LDLRAD4: variants seen among roughly 807,000 people sequenced by gnomAD.
The protein encoded by LDLRAD4 is low density lipoprotein receptor class A domain containing 4, also known as low-density lipoprotein receptor class A domain-containing protein 4.
LDLRAD4 carries 5 observed loss-of-function variants against 17.0 expected under a neutral mutation model. The ratio of observed to expected loss-of-function variants is 0.29; its 90% CI spans 0.15 to 0.62. The LOEUF (loss-of-function observed/expected upper bound fraction) is 0.62. LDLRAD4 is among the 20% of genes least tolerant of loss of function. The pLI is 0.84. For missense variants in LDLRAD4, 340 were observed against 424.7 expected, an observed-to-expected ratio of 0.80 and a Z score of 1.75; for synonymous variants, 168 against 171.8, an observed-to-expected ratio of 0.98 and a Z score of 0.17.
intron 3 of LDLRAD4, among the ~76,000 whole-genome samples, chr18:13,561,148 G>GC (rs5823260): frequency 0.81 from 123,392 of 152,096 alleles, 50,328 homozygotes; most frequent in Middle Eastern, 0.89. Flanking sequence ...GATATTCAGG[G>GC]CCCACACTGG....
intron 1 of LDLRAD4, among the ~76,000 whole-genome samples, chr18:13,331,523 G>A (rs546273999): frequency 1.1e-4 from 16 of 152,342 alleles, no homozygotes; most frequent in African/African-American, 2.9e-4. Context: ...CCAGTGCAGC[G>A]TTAAAATACG....
chr18:13,304,593 G>A (rs1396248989), intron 1 of LDLRAD4, among the ~76,000 whole-genome samples: 2 of 152,200 alleles, frequency 1.3e-5, no homozygotes, highest in African/African-American at 2.4e-5. Flanking sequence ...TGAGGAATGA[G>A]GCCAGGCAGC....
intron 3 of LDLRAD4, among the ~76,000 whole-genome samples, chr18:13,547,953 T>C (rs1383509813): frequency 1.3e-5 from 2 of 152,208 alleles, no homozygotes; most frequent in Non-Finnish European, 2.9e-5. Flanking sequence ...GTTCTTGTCC[T>C]GCATCCAGAA....
At chr18:13,326,073 A>G (rs1174681080) in intron 1 of LDLRAD4, among the ~76,000 whole-genome samples, 1 of 152,032 alleles carries the variant, frequency 6.6e-6, no homozygotes. Context: ...GGCTGGCAAT[A>G]TAAATTTTAT....
intron 1 of LDLRAD4, among the ~76,000 whole-genome samples, chr18:13,306,458 A>G (rs2046921787): frequency 6.6e-6 from 1 of 152,210 alleles, no homozygotes; most frequent in South Asian, 2.1e-4. Context: ...GAACCCCATG[A>G]GTTCAACACT....
At chr18:13,378,127 T>C (rs1290269847) in intron 1 of LDLRAD4, among the ~76,000 whole-genome samples, 1 of 152,210 alleles carries the variant, frequency 6.6e-6, no homozygotes, top group Non-Finnish European at 1.5e-5. Context: ...CTGAAATGAC[T>C]CTGATCGTTC....
At chr18:13,396,564 G>GTC (rs2086713514) in intron 2 of LDLRAD4, among the ~76,000 whole-genome samples, 2 of 152,184 alleles carry the variant, frequency 1.3e-5, no homozygotes, top group African/African-American at 4.8e-5. Context: ...GCTCACTGCA[G>GTC]TCTCAACCTC....
In LDLRAD4 at chr18:13,293,731, C is replaced by T. The variant is rs1573506; in HGVS notation, c.-383+15543C>T. On this transcript the variant is annotated intron_variant, in intron 1 of 5. Transcript: ENST00000359446. Reference sequence around the variant, plus strand: ...ATGTCCCTTTCCCTCTCCGTGTTTCCGCATTGCATGTTAATTTTCAGGTGG... The same window carrying T: ...ATGTCCCTTTCCCTCTCCGTGTTTCTGCATTGCATGTTAATTTTCAGGTGG... Among the ~76,000 whole-genome samples the T allele has an allele frequency of 8.8e-4, 134 of 152,226 alleles. 1 individual carries two copies. The highest frequency in any genetic ancestry group is 1.3e-3 in the Non-Finnish European group (87 of 68,050).
At chr18:13,371,200 C>G (rs1396097173) in intron 1 of LDLRAD4, among the ~76,000 whole-genome samples, 1 of 152,140 alleles carries the variant, frequency 6.6e-6, no homozygotes, top group East Asian at 1.9e-4. Flanking sequence ...TGCTGTGCTC[C>G]TCTCACACCC....
intron 2 of LDLRAD4, among the ~76,000 whole-genome samples, chr18:13,391,305 T>TG (rs1158190076): frequency 6.6e-6 from 1 of 152,012 alleles, no homozygotes; most frequent in Non-Finnish European, 1.5e-5. Flanking sequence ...ACTCGGGCTG[T>TG]GGGGGAGGGC....
intron 2 of LDLRAD4, among the ~76,000 whole-genome samples, chr18:13,412,580 A>G (rs770263032): frequency 4.6e-5 from 7 of 152,202 alleles, no homozygotes; most frequent in Admixed American, 2.0e-4. Flanking sequence ...CTAGAGAGAC[A>G]GCAGTGAAGG....
At chr18:13,408,911 G>A (rs1326102434) in intron 2 of LDLRAD4, among the ~76,000 whole-genome samples, 1 of 151,842 alleles carries the variant, frequency 6.6e-6, no homozygotes, top group African/African-American at 2.4e-5. Context: ...ATCCCATACA[G>A]TGAATATGGG....
chr18:13,649,039 A>G (rs528781432), exon 6 of LDLRAD4: 1 of 152,336 alleles, frequency 6.6e-6, no homozygotes, highest in African/African-American at 2.4e-5. Context: ...CCACATAAAC[A>G]CATGGACACA....
intron 1 of LDLRAD4, among the ~76,000 whole-genome samples, chr18:13,269,651 A>C (rs1374141359): frequency 6.6e-6 from 1 of 151,506 alleles, no homozygotes; most frequent in Non-Finnish European, 1.5e-5. Flanking sequence ...CTGGGGCCCT[A>C]GCGAGCTGTC....
At chr18:13,570,357 A>G (rs1422459919) in intron 3 of LDLRAD4, among the ~76,000 whole-genome samples, 1 of 152,184 alleles carries the variant, frequency 6.6e-6, no homozygotes, top group Non-Finnish European at 1.5e-5. Flanking sequence ...TGCCTAGACA[A>G]CCAGCAGGCG....
intron 3 of LDLRAD4, among the ~76,000 whole-genome samples, chr18:13,599,879 G>A (rs1204471427): frequency 6.6e-6 from 1 of 152,134 alleles, no homozygotes. Flanking sequence ...CTAATTGATT[G>A]AAACTAAATT....
At chr18:13,381,194 C>T (rs1000269780) in intron 1 of LDLRAD4, among the ~76,000 whole-genome samples, 2 of 151,742 alleles carry the variant, frequency 1.3e-5, no homozygotes, top group Admixed American at 6.6e-5. Flanking sequence ...CCTCCTGCCT[C>T]AGCCTCCCCA....
chr18:13,529,899 A>G (rs951516760), intron 3 of LDLRAD4, among the ~76,000 whole-genome samples: 1 of 152,200 alleles, frequency 6.6e-6, no homozygotes, highest in Non-Finnish European at 1.5e-5. Flanking sequence ...GTTTTGAAGC[A>G]CTGTCATCCT....
chr18:13,219,020 G>C (rs1309075483), intron 1 of LDLRAD4, 32 bp downstream of exon 1: 1 of 151,858 alleles, frequency 6.6e-6, no homozygotes, highest in Non-Finnish European at 1.5e-5. Context: ...AGTGGGTTCG[G>C]TTTAGGTTAA....
Sources: allele counts gnomAD v4.1 joint callset (sites outside exome capture counted in the v4.1 genomes callset), GRCh38; gene constraint gnomAD v4.1.1; transcripts MANE v1.5; gene names NCBI Gene and HGNC (gene_info 2026-07-23, HGNC 2026-07-21).